Variants in SORCS3 observed in about 807,000 individuals in gnomAD.
SORCS3 encodes the protein VPS10 domain-containing receptor SorCS3.
Under a neutral mutation model 146.3 loss-of-function variants are expected in SORCS3, and 57 were observed. That is an observed-to-expected ratio of 0.39 (90% CI 0.31 to 0.49). The LOEUF (loss-of-function observed/expected upper bound fraction) is 0.49. Ranked by LOEUF, SORCS3 falls within the 20% of genes least tolerant of loss-of-function variation. The probability of loss-of-function intolerance (pLI) is 0.92; values close to 1 mark genes in which losing one functional copy is unlikely to be tolerated. For missense variants in SORCS3, 1,341 were observed against 1,575.5 expected (o/e 0.85, Z 2.52); for synonymous variants, 653 against 618.5 (o/e 1.06, Z -0.83).
intron 3 of SORCS3, among the ~76,000 whole-genome samples, chr10:104,977,057 A>C (rs2054903205): frequency 6.6e-6 from 1 of 152,084 alleles, no homozygotes; most frequent in Non-Finnish European, 1.5e-5. Flanking sequence ...CTTGAAGTAT[A>C]ATAATAAAAA....
chr10:105,229,961 C>A (rs2056757460), intron 20 of SORCS3, among the ~76,000 whole-genome samples: 1 of 152,158 alleles, frequency 6.6e-6, no homozygotes, highest in South Asian at 2.1e-4. Context: ...GTGTCTTGAG[C>A]AGTTTCCACT....
At chr10:105,249,018 C>T (rs540531577) in intron 22 of SORCS3, among the ~76,000 whole-genome samples, 4 of 152,222 alleles carry the variant, frequency 2.6e-5, no homozygotes, top group East Asian at 1.9e-4. Flanking sequence ...AGCTAAAAGA[C>T]CACTGCAGTT....
chr10:104,987,153 A>T (rs914566695), intron 4 of SORCS3, among the ~76,000 whole-genome samples: 1 of 152,100 alleles, frequency 6.6e-6, no homozygotes, highest in African/African-American at 2.4e-5. Context: ...GCAAAAAATA[A>T]GGTAAGGTAA....
chr10:104,891,885 C>T (rs574167576), intron 2 of SORCS3, among the ~76,000 whole-genome samples: 16 of 152,156 alleles, frequency 1.1e-4, no homozygotes, highest in African/African-American at 3.6e-4. Flanking sequence ...CTGGCACCTC[C>T]GAAGGTAATG....
At chr10:104,864,039 A>G (rs2018433628) in intron 2 of SORCS3, among the ~76,000 whole-genome samples, 1 of 152,156 alleles carries the variant, frequency 6.6e-6, no homozygotes, top group Non-Finnish European at 1.5e-5. Context: ...CTGCTAGCAT[A>G]TATTGAATAG....
At chr10:104,981,447 G>T (rs2054931049) in intron 4 of SORCS3, among the ~76,000 whole-genome samples, 1 of 152,134 alleles carries the variant, frequency 6.6e-6, no homozygotes, top group African/African-American at 2.4e-5. Context: ...TTCTTTTGAG[G>T]GCTGTGTCTT....
intron 24 of SORCS3, 63 bp from the exon 25 acceptor site, chr10:105,256,756 C>T: frequency 1.6e-6 from 2 of 1,278,898 alleles, no homozygotes; most frequent in Non-Finnish European, 2.3e-6. Flanking sequence ...TGAATACTCC[C>T]TCCAGCTAAC....
intron 1 of SORCS3, among the ~76,000 whole-genome samples, chr10:104,776,777 G>T (rs1361906689): frequency 6.7e-6 from 1 of 149,722 alleles, no homozygotes; most frequent in Admixed American, 6.7e-5. Flanking sequence ...ACCTGGGTCA[G>T]GAAAAATTGT....
chr10:105,060,712 G>T (rs563649592), intron 5 of SORCS3, among the ~76,000 whole-genome samples: 2 of 152,266 alleles, frequency 1.3e-5, no homozygotes, highest in South Asian at 4.1e-4. Flanking sequence ...GCTGAGGCAG[G>T]CGGATCACCT....
At chr10:104,693,473 A>C (rs2133423596) in intron 1 of SORCS3, among the ~76,000 whole-genome samples, 1 of 152,206 alleles carries the variant, frequency 6.6e-6, no homozygotes, top group East Asian at 1.9e-4. Context: ...ATTCAGAAAA[A>C]CCCAACCAAT....
At chr10:104,811,099 AC>A (rs2017735698) in intron 1 of SORCS3, among the ~76,000 whole-genome samples, 1 of 152,250 alleles carries the variant, frequency 6.6e-6, no homozygotes, top group African/African-American at 2.4e-5. Flanking sequence ...TAATTATAAC[AC>A]AAAACAACAT....
chr10:104,720,768 T>C (rs888652083), intron 1 of SORCS3, among the ~76,000 whole-genome samples: 2 of 152,272 alleles, frequency 1.3e-5, no homozygotes, highest in Non-Finnish European at 2.9e-5. Flanking sequence ...GCTGCATAAA[T>C]GTCTTCTTTT....
intron 1 of SORCS3, among the ~76,000 whole-genome samples, chr10:104,729,289 G>A (rs150542866): frequency 1.3e-5 from 2 of 152,296 alleles, no homozygotes; most frequent in East Asian, 3.9e-4. Context: ...AGTCTCTCTA[G>A]ATTACCCCAG....
Position 104,696,781 on chromosome 10 carries a change from T to TAA in SORCS3, c.627+54828_627+54829dup, listed in dbSNP as rs200916540. ...ATATAATATATATAATATATATATA[T>TAA]AATGGAATATTATTCAGCCATAAAA... On this transcript the variant is annotated intron_variant, in intron 1 of 26. Coordinates refer to ENST00000369701, the MANE Select transcript of SORCS3 (RefSeq NM_014978.3). Among the ~76,000 whole-genome samples the TAA allele has an allele frequency of 3.6e-4, 46 of 128,470 alleles. 1 individual carries two copies. In the East Asian group the frequency reaches 8.4e-3, roughly 23 times the overall value. 84.3% of individuals were successfully genotyped at this position (128,470 alleles called of 152,430 possible).
chr10:104,673,453 TTGA>T (rs1462068589), intron 1 of SORCS3, among the ~76,000 whole-genome samples: 4 of 151,872 alleles, frequency 2.6e-5, no homozygotes, highest in Non-Finnish European at 5.9e-5. Context: ...TGTGTATTTT[TTGA>T]TGTTGTTGTT....
Position 104,690,454 on chromosome 10 carries a change from G to T in SORCS3, c.627+48500G>T, listed in dbSNP as rs148623383. Among the ~76,000 whole-genome samples, 1,020 of 152,294 alleles carry T rather than the reference G, an allele frequency of 6.7e-3. 14 individuals are homozygous for T. Among genetic ancestry groups the T allele is most frequent in the African/African-American group, 0.023 (959 of 41,546 alleles). Reference sequence around the variant, plus strand: ...ATACTTTACAGATGAGGAGACCAAGGCTCATGGAGAAGAAATGCTTTGCCC... The same window carrying T: ...ATACTTTACAGATGAGGAGACCAAGTCTCATGGAGAAGAAATGCTTTGCCC... On this transcript the variant is annotated intron_variant, in intron 1 of 26. Coordinates refer to ENST00000369701, the MANE Select transcript of SORCS3 (RefSeq NM_014978.3).
rs982718124 is a variant in SORCS3 at position 104,641,782 on chromosome 10, A to T, written c.455A>T (p.Asp152Val). 1.9e-6 allele frequency: 3 copies of T among 1,548,094 alleles called. No homozygotes were observed. The highest frequency in any genetic ancestry group is 2.6e-6 in the Non-Finnish European group (3 of 1,146,690). ...RGDAWATAPA[D>V]GSRGSRPLAK... ...GACGCCTGGGCCACTGCTCCGGCCG[A>T]TGGTTCCAGAGGAAGCCGTCCCCTT... Residue 152 changes from aspartate (D) to valine (V), a missense_variant, in exon 1 of 27, where the codon GAT becomes GTT. Transcript: ENST00000369701. This position sits in a 1 kb window ranked among gnomAD's most constrained non-coding sequence, Gnocchi z 6.4.
At chr10:105,187,471 A>G (rs2056485795) in intron 14 of SORCS3, among the ~76,000 whole-genome samples, 1 of 152,234 alleles carries the variant, frequency 6.6e-6, no homozygotes, top group East Asian at 1.9e-4. Flanking sequence ...ACACACACCA[A>G]TAGCCAAGAA....
chr10:105,159,578 C>T (rs1183084322), intron 11 of SORCS3, among the ~76,000 whole-genome samples: 12 of 152,284 alleles, frequency 7.9e-5, no homozygotes, highest in Middle Eastern at 3.4e-3. Context: ...CTAAAGTCTC[C>T]GGGGAGTATG....
Sources: gnomAD v4.1 joint callset for allele counts (sites outside exome capture counted in the v4.1 genomes callset) on GRCh38, gnomAD v4.1.1 for gene constraint, Gnocchi (gnomAD v3.1) non-coding constraint, MANE v1.5 for transcripts, NCBI Gene and HGNC (gene_info 2026-07-23, HGNC 2026-07-21) for gene names.